Variants in GAN observed in about 807,000 individuals in gnomAD.
The protein encoded by GAN is gigaxonin, also known as epididymis secretory sperm binding protein.
GAN carries 48 observed loss-of-function variants against 71.3 expected under a neutral mutation model. That is an observed-to-expected ratio of 0.67 (90% CI 0.53 to 0.86). The LOEUF is 0.86. GAN is among the 40% of genes least tolerant of loss of function. The pLI is 0.00. For synonymous variants in GAN, 386 were observed against 276.8 expected (o/e 1.39, Z -3.92); for missense variants, 928 against 770.1 (o/e 1.21, Z -2.43).
chr16:81,356,314 T>G (rs974348081), intron 3 of GAN, among the ~76,000 whole-genome samples: 3 of 151,594 alleles, frequency 2.0e-5, no homozygotes, highest in African/African-American at 7.3e-5. Context: ...AGTACTCAGG[T>G]TTTTTTTTAA....
rs904760363 is a variant in GAN, at chr16:81,377,848, G to T, written c.*252G>T. 9 of 534,622 alleles carry T rather than the reference G, an allele frequency of 1.7e-5. No homozygotes were observed. Among genetic ancestry groups the T allele is most frequent in the Non-Finnish European group, 2.7e-5 (8 of 297,526 alleles). 33.1% of individuals were successfully genotyped at this position (534,622 alleles called of 1,614,324 possible). A position where few individuals can be genotyped will look rare whatever the true frequency, so the allele number is the denominator to read the frequency against. Reference sequence around the variant, plus strand: ...GCTGTAGATGTTGGAGGCTAGGGAGGCTAGTAAATATCAAAAGGAAAAGGG... The same window carrying T: ...GCTGTAGATGTTGGAGGCTAGGGAGTCTAGTAAATATCAAAAGGAAAAGGG... On this transcript the variant is annotated 3_prime_UTR_variant, in exon 11 of 11. Transcript: ENST00000648994.
At chr16:81,351,965 T>C (rs944048658) in intron 2 of GAN, among the ~76,000 whole-genome samples, 18 of 152,214 alleles carry the variant, frequency 1.2e-4, no homozygotes, top group Non-Finnish European at 1.2e-4. Flanking sequence ...ATATGAGATA[T>C]TAAAGAACAT....
Position 81,382,980 on chromosome 16 carries a change from T to G in GAN, c.*5384T>G, listed in dbSNP as rs1284631779. 1 of 152,056 alleles carries G rather than the reference T, an allele frequency of 6.6e-6. No homozygotes were observed. The highest frequency in any genetic ancestry group is 1.5e-5 in the Non-Finnish European group (1 of 67,998). 9.4% of individuals were successfully genotyped at this position (152,056 alleles called of 1,614,324 possible). ...TTTATTCTTTTTTATTTTATTTTAT[T>G]TTTTTAAATTTCTTTTAGAAACTGG... is the stretch of plus-strand genomic sequence containing the variant. On this transcript the variant is annotated 3_prime_UTR_variant, in exon 11 of 11. Transcript: ENST00000648994.
intron 2 of GAN, 51 bp from the exon 3 acceptor site, chr16:81,354,354 G>A: frequency 1.7e-6 from 2 of 1,145,712 alleles, no homozygotes; most frequent in Non-Finnish European, 2.6e-6. Flanking sequence ...TTAGTGGTTT[G>A]GGTTTTAAAT....
In GAN at chr16:81,365,080, G is replaced by C; in HGVS notation, c.1343G>C (p.Trp448Ser). ...TGTTATGATCCCAGGACCCAGCAGTGGACTGCCATATGTCCACTAAAAGAG... is the reference window on the plus strand; with the variant it reads ...TGTTATGATCCCAGGACCCAGCAGTCGACTGCCATATGTCCACTAAAAGAG... ...VECYDPRTQQ[W>S]TAICPLKERR... Residue 448 changes from tryptophan (W) to serine (S), a missense_variant, in exon 8 of 11, where the codon TGG becomes TCG. Coordinates refer to ENST00000648994, the MANE Select transcript of GAN (RefSeq NM_022041.4). 1 of 1,613,918 alleles carries C rather than the reference G, an allele frequency of 6.2e-7. No homozygotes were observed. The highest frequency in any genetic ancestry group is 8.5e-7 in the Non-Finnish European group (1 of 1,179,860).
chr16:81,384,921 G>A lies in GAN; in HGVS notation c.*7325G>A, dbSNP rs1438097392. 2.6e-5 allele frequency: 4 copies of A among 154,214 alleles called. No homozygotes were observed. Among genetic ancestry groups the A allele is most frequent in the African/African-American group, 9.6e-5 (4 of 41,496 alleles). The allele number at this position is 154,214 out of a possible 1,614,324, so 9.6% of individuals were successfully genotyped here. On this transcript the variant is annotated 3_prime_UTR_variant, in exon 11 of 11. Transcript: ENST00000648994. Reference sequence around the variant, plus strand: ...AAGACTCTTCCTCTCGGGAGATCTTGTAATAATGGCCCAGTTTCAGGGCAC... The same window carrying A: ...AAGACTCTTCCTCTCGGGAGATCTTATAATAATGGCCCAGTTTCAGGGCAC...
chr16:81,376,047 G>C (rs937223722), intron 9 of GAN, among the ~76,000 whole-genome samples: 1 of 151,768 alleles, frequency 6.6e-6, no homozygotes, highest in Non-Finnish European at 1.5e-5. Context: ...TTGGTCTTCA[G>C]GGAAGTATAC....
chr16:81,386,090 C>T lies in GAN; in HGVS notation c.*8494C>T, dbSNP rs753041857. The stretch of plus-strand genomic sequence containing the variant: ...GACCCATATCACCTCTCTCCATCTA[C>T]ATCTCTAGTATTTAAATTCAACACA... On this transcript the variant is annotated 3_prime_UTR_variant, in exon 11 of 11. Coordinates refer to ENST00000648994, the MANE Select transcript of GAN (RefSeq NM_022041.4). 2.0e-5 allele frequency: 3 copies of T among 152,184 alleles called. No homozygotes were observed. Among genetic ancestry groups the T allele is most frequent in the East Asian group, 1.9e-4 (1 of 5,198 alleles). 9.4% of individuals were successfully genotyped at this position (152,184 alleles called of 1,614,324 possible).
rs74587613 is a variant in GAN at position 81,355,408 on chromosome 16, G to A, written c.633+653G>A. On this transcript the variant is annotated intron_variant, in intron 3 of 10. Transcript: ENST00000648994. ...TCTCAGTCTGTCTCCCAGGCTGAAG[G>A]GCAGTAGCCAGAGTGGCACGATCAT... is the stretch of plus-strand genomic sequence containing the variant. Among the ~76,000 whole-genome samples the A allele has an allele frequency of 8.9e-3, 1,357 of 152,298 alleles. 23 individuals are homozygous for A. Among genetic ancestry groups the A allele is most frequent in the African/African-American group, 0.031 (1,308 of 41,552 alleles).
At chr16:81,363,527 G>A (rs997002382) in intron 6 of GAN, among the ~76,000 whole-genome samples, 5 of 152,098 alleles carry the variant, frequency 3.3e-5, no homozygotes, top group Non-Finnish European at 4.4e-5. Flanking sequence ...TTTTAGACTC[G>A]GGGATACATG....
chr16:81,326,625 G>T (rs1292879632), intron 1 of GAN, among the ~76,000 whole-genome samples: 1 of 152,216 alleles, frequency 6.6e-6, no homozygotes, highest in African/African-American at 2.4e-5. Context: ...ACATCATTGG[G>T]CATTTTGTCA....
intron 9 of GAN, 83 bp from the exon 10 acceptor site, chr16:81,377,136 A>G: frequency 2.3e-6 from 2 of 878,090 alleles, no homozygotes; most frequent in South Asian, 2.6e-5. Flanking sequence ...CTGATGACTC[A>G]CCAAGCTTGC....
intron 1 of GAN, among the ~76,000 whole-genome samples, chr16:81,333,850 C>T (rs1597392686): frequency 6.6e-6 from 1 of 152,196 alleles, no homozygotes; most frequent in South Asian, 2.1e-4. Flanking sequence ...GGGATGGCTG[C>T]ATTCCTGCCT....
intron 1 of GAN, among the ~76,000 whole-genome samples, chr16:81,346,277 A>T (rs1910115582): frequency 6.6e-6 from 1 of 152,224 alleles, no homozygotes; most frequent in Non-Finnish European, 1.5e-5. Flanking sequence ...GAATAGATAT[A>T]TGGAGCATCT....
rs550392553 is a variant in GAN at position 81,368,405 on chromosome 16, C to G, written c.1502+2927C>G. 7.9e-5 allele frequency among the ~76,000 whole-genome samples: 12 copies of G among 152,260 alleles called. No homozygotes were observed. In the South Asian group the frequency reaches 2.5e-3, roughly 32 times the overall value. On this transcript the variant is annotated intron_variant, in intron 9 of 10. Transcript: ENST00000648994. ...CTTGAGCCCAGGAGTTCAAGACAAC[C>G]CTGAGTAACATAGTGAGACCTTGTC...
At chr16:81,359,497 C>G (rs556938379) in intron 5 of GAN, among the ~76,000 whole-genome samples, 1 of 143,716 alleles carries the variant, frequency 7.0e-6, no homozygotes, top group Non-Finnish European at 1.5e-5. Context: ...GACTTACATT[C>G]TTGTTAATAG....
intron 7 of GAN, 24 bp downstream of exon 7, chr16:81,363,967 C>T (rs759145215): frequency 6.9e-6 from 11 of 1,584,160 alleles, no homozygotes; most frequent in Non-Finnish European, 9.5e-6. Context: ...TTTGTGATAA[C>T]TAGTCTGTGT....
intron 1 of GAN, among the ~76,000 whole-genome samples, chr16:81,344,752 C>T (rs763758714): frequency 2.6e-5 from 4 of 152,096 alleles, no homozygotes; most frequent in African/African-American, 4.8e-5. Context: ...CCAAAAACGA[C>T]AAATGGGATC....
In GAN at chr16:81,357,821, C is replaced by A; in HGVS notation, c.863C>A (p.Pro288His). ...VGGEERVSRK[P>H]TAAMRCMCPL... ...ATTTACTTCCTTAGTTCACGGAAAC[C>A]CACAGCAGCGATGCGATGCATGTGC... The change falls in exon 5 of 11, where the codon CCC (proline) becomes CAC (histidine). Residue 288 changes from proline (P) to histidine (H), a missense_variant. By Grantham distance (77) the Pro-to-His change is moderately conservative (BLOSUM62 -2). Coordinates refer to ENST00000648994, the MANE Select transcript of GAN (RefSeq NM_022041.4). The A allele has an allele frequency of 1.9e-6, 3 of 1,613,518 alleles. No homozygotes were observed. Among genetic ancestry groups the A allele is most frequent in the Non-Finnish European group, 1.7e-6 (2 of 1,179,462 alleles).
Sources: gnomAD v4.1 joint callset for allele counts (sites outside exome capture counted in the v4.1 genomes callset) on GRCh38, gnomAD v4.1.1 for gene constraint, MANE v1.5 for transcripts, NCBI Gene and HGNC (gene_info 2026-07-23, HGNC 2026-07-21) for gene names.